HERC1: variants seen among roughly 807,000 people sequenced by gnomAD.
The protein encoded by HERC1 is probable E3 ubiquitin-protein ligase HERC1.
In HERC1, 160 loss-of-function variants were observed where a neutral mutation model predicts 554.3. The ratio of observed to expected loss-of-function variants is 0.29; its 90% CI spans 0.25 to 0.33. The LOEUF is 0.33. Among genes scored for constraint, HERC1 ranks in the 10% least tolerant of loss-of-function variants. The pLI is 1.00. For synonymous variants in HERC1, 2,175 were observed against 2,131.7 expected (o/e 1.02, Z -0.56); for missense variants, 4,919 against 5,918.5 (o/e 0.83, Z 5.54).
chr15:63,747,106 G>T, intron 11 of HERC1, 23 bp from the exon 12 acceptor site: 1 of 1,578,934 alleles, frequency 6.3e-7, no homozygotes, highest in Non-Finnish European at 8.6e-7. Flanking sequence ...AAACGTCTAT[G>T]AATTCTCGGA....
intron 1 of HERC1, among the ~76,000 whole-genome samples, chr15:63,784,897 C>G (rs1294530204): frequency 6.6e-6 from 1 of 152,224 alleles, no homozygotes; most frequent in Non-Finnish European, 1.5e-5. Flanking sequence ...AGGCGTGAGC[C>G]TCTGCCCCTG....
At chr15:63,623,463 CCA>C in intron 73 of HERC1, among the ~76,000 whole-genome samples, 1 of 152,128 alleles carries the variant, frequency 6.6e-6, no homozygotes, top group African/African-American at 2.4e-5. Flanking sequence ...TGTTATTCTG[CCA>C]ATATTATAAC....
intron 1 of HERC1, among the ~76,000 whole-genome samples, chr15:63,780,968 T>A (rs867732587): frequency 6.6e-6 from 1 of 152,164 alleles, no homozygotes; most frequent in African/African-American, 2.4e-5. Flanking sequence ...TAAATGTATA[T>A]CCTAAGTGAT....
At chr15:63,751,692 T>C in intron 8 of HERC1, among the ~76,000 whole-genome samples, 1 of 152,294 alleles carries the variant, frequency 6.6e-6, no homozygotes, top group East Asian at 1.9e-4. Context: ...AAGAAAACTA[T>C]TCTTACCCAT....
At chr15:63,786,276 TAAA>T (rs375937848) in intron 1 of HERC1, among the ~76,000 whole-genome samples, 8 of 126,262 alleles carry the variant, frequency 6.3e-5, no homozygotes, top group Non-Finnish European at 8.3e-5. Context: ...ATGTTTCTAT[TAAA>T]AAAAAAAAAA....
At chr15:63,781,395 T>C (rs1260019532) in intron 1 of HERC1, among the ~76,000 whole-genome samples, 1 of 152,234 alleles carries the variant, frequency 6.6e-6, no homozygotes, top group African/African-American at 2.4e-5. Context: ...GTGTCACATT[T>C]TGGTAATTCT....
rs576874325 is a variant in HERC1 at position 63,677,137 on chromosome 15, C to A, written c.7070+708G>T. On this transcript the variant is annotated intron_variant, in intron 37 of 77. Transcript: ENST00000443617. The surrounding 1 kb of genome is among the most constrained non-coding windows in gnomAD (Gnocchi z 4.4). ...GTGAAAACCTGAAACTTTTTGAGCA[C>A]CAACATGATGCTCAATGGAAATATT... Among the ~76,000 whole-genome samples the A allele has an allele frequency of 1.3e-5, 2 of 152,262 alleles. 1 individual carries two copies. The highest frequency in any genetic ancestry group is 4.1e-4 in the South Asian group (2 of 4,822).
At chr15:63,704,020 G>C (rs2072870523) in intron 25 of HERC1, among the ~76,000 whole-genome samples, 1 of 152,056 alleles carries the variant, frequency 6.6e-6, no homozygotes, top group South Asian at 2.1e-4. Flanking sequence ...AGTTTGAATG[G>C]CTCCCAAACA....
intron 19 of HERC1, among the ~76,000 whole-genome samples, chr15:63,720,980 G>A (rs747784750): frequency 6.6e-6 from 1 of 151,828 alleles, no homozygotes; most frequent in Non-Finnish European, 1.5e-5. Flanking sequence ...TGCTTACAGT[G>A]TATAAGCAAT....
intron 12 of HERC1, among the ~76,000 whole-genome samples, chr15:63,739,195 C>CTT (rs1205943240): frequency 0.26 from 26,219 of 102,034 alleles, 4,663 homozygotes; most frequent in Middle Eastern, 0.41. Context: ...CACTAATATA[C>CTT]TTTTTTTTTT....
At position 63,622,897 on chromosome 15, in the gene HERC1, G is replaced by C. The variant is rs370925074; in HGVS notation, c.13612-6C>G. The C allele has an allele frequency of 1.2e-3, 1,863 of 1,579,738 alleles. 35 individuals are homozygous for C. The South Asian group carries it at 0.019, about 16-fold the overall frequency. On this transcript the variant is annotated splice_polypyrimidine_tract_variant and splice_region_variant and intron_variant, in intron 73 of 77. Transcript: ENST00000443617. ...ACAATACCAGTTTCAAGTTCCTGCA[G>C]AAGAAAGAAAAAAATTTTTTGAGAA...
In HERC1 at chr15:63,772,950, G is replaced by T. The variant is rs572741157; in HGVS notation, c.930+1744C>A. 3.9e-5 allele frequency among the ~76,000 whole-genome samples: 6 copies of T among 152,284 alleles called. No homozygotes were observed. The South Asian group carries it at 1.0e-3, about 26-fold the overall frequency. On this transcript the variant is annotated intron_variant, in intron 2 of 77. Coordinates refer to ENST00000443617, the MANE Select transcript of HERC1 (RefSeq NM_003922.4). ...TAGTTCATAAATGCAAAAAGTAGGT[G>T]AAAACTTAAATGTCCCTGGTTTGAA...
chr15:63,618,299 G>A (rs1210676324), intron 74 of HERC1, among the ~76,000 whole-genome samples: 1 of 152,190 alleles, frequency 6.6e-6, no homozygotes, highest in African/African-American at 2.4e-5. Flanking sequence ...GTTTGTCAAA[G>A]ATCAGATAGT....
At position 63,678,372 on chromosome 15, in the gene HERC1, A is replaced by T; in HGVS notation, c.6550-7T>A. 2 of 1,574,798 alleles carry T rather than the reference A, an allele frequency of 1.3e-6. No homozygotes were observed. Among genetic ancestry groups the T allele is most frequent in the Non-Finnish European group, 1.7e-6 (2 of 1,162,434 alleles). ...GCATATCACAAATTTTCACCTATATAAAAGTAAAGAGGGTGGAAAACACAT... is the reference window on the plus strand; with the variant it reads ...GCATATCACAAATTTTCACCTATATTAAAGTAAAGAGGGTGGAAAACACAT... On this transcript the variant is annotated splice_region_variant and splice_polypyrimidine_tract_variant and intron_variant, in intron 36 of 77. Coordinates refer to ENST00000443617, the MANE Select transcript of HERC1 (RefSeq NM_003922.4).
Position 63,612,287 on chromosome 15 carries a change from G to A in HERC1, c.14364C>T (p.Asp4788=). 3 of 1,612,438 alleles carry A rather than the reference G, an allele frequency of 1.9e-6. No individual in the cohort carries two copies. The highest frequency in any genetic ancestry group is 2.5e-6 in the Non-Finnish European group (3 of 1,178,648). The change falls in exon 77 of 78, where the codon GAC becomes GAT. Residue 4788 remains aspartate (D), a synonymous_variant. Transcript: ENST00000443617. This position sits in a 1 kb window ranked among gnomAD's most constrained non-coding sequence, Gnocchi z 5.0. Reference sequence around the variant, plus strand: ...TCATGATTTGAAATCTCTGAGAAATGTCAGCAGTGTTGGCTGGTAGTCGAG... The same window carrying A: ...TCATGATTTGAAATCTCTGAGAAATATCAGCAGTGTTGGCTGGTAGTCGAG... The part of the protein sequence containing the change: ...GRSRLPANTA[D]ISQRFQIMKV...
chr15:63,629,814 T>C (rs2068467886), intron 69 of HERC1, among the ~76,000 whole-genome samples: 1 of 152,106 alleles, frequency 6.6e-6, no homozygotes, highest in Non-Finnish European at 1.5e-5. Flanking sequence ...GAGAGGATTT[T>C]TGGAGGAAGG....
At chr15:63,634,964 T>A in intron 65 of HERC1, 76 bp from the exon 66 acceptor site, 1 of 1,032,460 alleles carries the variant, frequency 9.7e-7, no homozygotes, top group East Asian at 2.5e-5. Flanking sequence ...ATTTTTGGTA[T>A]TAATATAGCA....
chr15:63,663,219 A>G lies in HERC1; in HGVS notation c.8681-15T>C, dbSNP rs751282128. On this transcript the variant is annotated splice_polypyrimidine_tract_variant and intron_variant, in intron 43 of 77. Coordinates refer to ENST00000443617, the MANE Select transcript of HERC1 (RefSeq NM_003922.4). ...GTATAATCCCGCTCAGAACAAAACA[A>G]AAAAGGCATTTTATTTGCATGCATA... The G allele has an allele frequency of 1.9e-6, 3 of 1,599,638 alleles. No homozygotes were observed. In the East Asian group the frequency reaches 6.7e-5, roughly 36 times the overall value.
intron 2 of HERC1, among the ~76,000 whole-genome samples, chr15:63,772,115 T>C (rs2075973605): frequency 6.9e-6 from 1 of 145,674 alleles, no homozygotes; most frequent in African/African-American, 2.6e-5. Context: ...AGAGCAAAAC[T>C]CCATCTCAAA....
Sources: gnomAD v4.1 joint callset for allele counts (sites outside exome capture counted in the v4.1 genomes callset) on GRCh38, gnomAD v4.1.1 for gene constraint, Gnocchi (gnomAD v3.1) non-coding constraint, MANE v1.5 for transcripts, NCBI Gene and HGNC (gene_info 2026-07-23, HGNC 2026-07-21) for gene names.